The following KCNT1 variants were observed in gnomAD, a reference collection of about 807,000 sequenced individuals.
KCNT1 encodes the protein potassium sodium-activated channel subfamily T member 1.
A neutral mutation model predicts 147.8 loss-of-function variants in KCNT1; 78 were observed. The observed-to-expected ratio is 0.53, with a 90% CI of 0.44 to 0.64. The LOEUF is 0.64. Among genes scored for constraint, KCNT1 ranks in the 30% least tolerant of loss-of-function variants. The pLI is 0.00. For synonymous variants in KCNT1, 867 were observed against 748.8 expected, an observed-to-expected ratio of 1.16 and a Z score of -2.58; for missense variants, 1,419 against 1,750.3, an observed-to-expected ratio of 0.81 and a Z score of 3.38.
chr9:135,783,075 T>G lies in KCNT1; in HGVS notation c.2842-949T>G, dbSNP rs554521181. ...ACACGCCTGCCTGTGCACACTTGCT[T>G]GGAGGCCGAGCTCCAGGGTTGGGGC... On this transcript the variant is annotated intron_variant, in intron 24 of 30. Transcript: ENST00000371757. 2.6e-5 allele frequency among the ~76,000 whole-genome samples: 4 copies of G among 152,312 alleles called. No homozygotes were observed. The South Asian group carries it at 8.3e-4, about 32-fold the overall frequency.
chr9:135,713,589 A>G (rs1248610983), intron 1 of KCNT1, among the ~76,000 whole-genome samples: 1 of 152,190 alleles, frequency 6.6e-6, no homozygotes, highest in Non-Finnish European at 1.5e-5. Flanking sequence ...CTACGGGCAC[A>G]GCACGGGGAG....
chr9:135,779,508 A>T (rs1392956243), intron 24 of KCNT1, 38 bp downstream of exon 24: 1 of 1,445,596 alleles, frequency 6.9e-7, no homozygotes, highest in Non-Finnish European at 9.7e-7. Flanking sequence ...CCACCCCAGA[A>T]TCCCAGAAAG....
intron 29 of KCNT1, among the ~76,000 whole-genome samples, chr9:135,787,930 G>A (rs897452915): frequency 1.2e-4 from 18 of 152,238 alleles, no homozygotes; most frequent in Non-Finnish European, 1.8e-4. Flanking sequence ...TGCCCCCAGA[G>A]CTTGGCAAGG....
At chr9:135,758,659 C>G (rs962396761) in intron 10 of KCNT1, 151 bp downstream of exon 10, 2 of 666,644 alleles carry the variant, frequency 3.0e-6, no homozygotes, top group Non-Finnish European at 5.3e-6. Flanking sequence ...GGCCACCAAG[C>G]TGGGACTGAG....
At chr9:135,716,696 T>C (rs1835733235) in intron 2 of KCNT1, among the ~76,000 whole-genome samples, 1 of 152,176 alleles carries the variant, frequency 6.6e-6, no homozygotes, top group Admixed American at 6.5e-5. Flanking sequence ...GCCGATGGTA[T>C]TAGGAGGTGG....
intron 4 of KCNT1, 25 bp from the exon 5 acceptor site, chr9:135,753,912 G>C: frequency 1.2e-6 from 2 of 1,613,724 alleles, no homozygotes; most frequent in African/African-American, 2.7e-5. Context: ...GGCCAGGGCC[G>C]GGCCAGCGCT....
intron 29 of KCNT1, among the ~76,000 whole-genome samples, chr9:135,787,364 G>GCCCCAGCTCCCCAGCT (rs574943274): frequency 6.6e-6 from 1 of 152,172 alleles, no homozygotes; most frequent in East Asian, 1.9e-4. Context: ...GAAGCCATGG[G>GCCCCAGCTCCCCAGCT]CCCCAGCTCC....
intron 2 of KCNT1, among the ~76,000 whole-genome samples, chr9:135,744,799 T>A (rs1007945251): frequency 1.3e-5 from 2 of 152,186 alleles, no homozygotes; most frequent in Admixed American, 6.5e-5. Flanking sequence ...AGGGACTGTC[T>A]GAGGCTCCCT....
At chr9:135,744,695 A>G (rs113479710) in intron 2 of KCNT1, among the ~76,000 whole-genome samples, 50 of 152,344 alleles carry the variant, frequency 3.3e-4, no homozygotes, top group African/African-American at 1.2e-3. Context: ...GCCATGGGCC[A>G]GCGCCGCTGA....
rs1487381399 is a variant in KCNT1, at chr9:135,793,038, C to G, written c.*877C>G. ...AGCAAGGCGAGATCCCGGGCGGCGG[C>G]TGACATCAGGAGCGCCACCCTGCGT... On this transcript the variant is annotated 3_prime_UTR_variant, in exon 31 of 31. Transcript: ENST00000371757. The G allele has an allele frequency of 6.6e-6, 1 of 152,222 alleles. No homozygotes were observed. The highest frequency in any genetic ancestry group is 1.5e-5 in the Non-Finnish European group (1 of 68,054). 9.4% of individuals were successfully genotyped at this position (152,222 alleles called of 1,614,324 possible).
rs539208270 is a variant in KCNT1, at chr9:135,751,222, C to T, written c.434+181C>T. On this transcript the variant is annotated intron_variant, in intron 4 of 30. Coordinates refer to ENST00000371757, the MANE Select transcript of KCNT1 (RefSeq NM_020822.3). ...AAGCCAAGGACTCAGTGCCCAGGCTCCCGCAGACGGCTCAGCGTAGGGAGA... is the reference window on the plus strand; with the variant it reads ...AAGCCAAGGACTCAGTGCCCAGGCTTCCGCAGACGGCTCAGCGTAGGGAGA... Among the ~76,000 whole-genome samples, 11 of 152,168 alleles carry T rather than the reference C, an allele frequency of 7.2e-5. No individual in the cohort carries two copies. The East Asian group carries it at 1.4e-3, about 19-fold the overall frequency.
At chr9:135,777,246 G>C (rs942375205) in intron 20 of KCNT1, 92 bp from the exon 21 acceptor site, 1 of 1,367,990 alleles carries the variant, frequency 7.3e-7, no homozygotes. Context: ...GGGTGTTCAC[G>C]GGGGATGTTT....
Position 135,772,807 on chromosome 9 carries a change from A to G in KCNT1, c.2101A>G (p.Asn701Asp). The change falls in exon 19 of 31, where the codon AAC becomes GAC. Residue 701 changes from asparagine to aspartate, a missense_variant. Physicochemically the swap from Asn to Asp is conservative, Grantham distance 23. Transcript: ENST00000371757. Reference sequence around the variant, plus strand: ...CAGCAAGCTGGCACTGCCCACGGAGAACGGCTCGGGCAGCCGGCGGCCCAG... The same window carrying G: ...CAGCAAGCTGGCACTGCCCACGGAGGACGGCTCGGGCAGCCGGCGGCCCAG... ...GGSKLALPTE[N>D]GSGSRRPSIA... 2 of 1,515,864 alleles carry G rather than the reference A, an allele frequency of 1.3e-6. No homozygotes were observed. 93.9% of individuals were successfully genotyped at this position (1,515,864 alleles called of 1,614,324 possible).
intron 16 of KCNT1, 22 bp from the exon 17 acceptor site, chr9:135,770,276 C>T (rs1229019470): frequency 6.4e-7 from 1 of 1,570,810 alleles, no homozygotes; most frequent in South Asian, 1.2e-5. Flanking sequence ...TGACGCTCCC[C>T]TGGCCCCGCC....
At chr9:135,768,586 C>A (rs750746259) in intron 13 of KCNT1, 24 bp from the exon 14 acceptor site, 5 of 1,547,656 alleles carry the variant, frequency 3.2e-6, no homozygotes, top group Non-Finnish European at 4.4e-6. Context: ...GCTCCACCCA[C>A]GCTCAGGCCC....
rs527706511 is a variant in KCNT1, at chr9:135,724,325, G to A, written c.254+9605G>A. ...TGGGCGGGTAGAGACAGCGGGCCCCGCGTGCACTCCCATCCTGAGCCCCCT... is the reference window on the plus strand; with the variant it reads ...TGGGCGGGTAGAGACAGCGGGCCCCACGTGCACTCCCATCCTGAGCCCCCT... On this transcript the variant is annotated intron_variant, in intron 2 of 30. Transcript: ENST00000371757. Among the ~76,000 whole-genome samples the A allele has an allele frequency of 7.2e-5, 11 of 152,340 alleles. No homozygotes were observed. The South Asian group carries it at 1.0e-3, about 14-fold the overall frequency.
chr9:135,757,189 T>G lies in KCNT1; in HGVS notation c.634T>G (p.Phe212Val). Residue 212 changes from phenylalanine (F) to valine (V), a missense_variant, in exon 8 of 31, where the codon TTC becomes GTC. Around this residue, in one of 5 missense-constraint regions of KCNT1, gnomAD observed 401 missense variants for 610.6 expected, o/e 0.66. Coordinates refer to ENST00000371757, the MANE Select transcript of KCNT1 (RefSeq NM_020822.3). ...NIWEQIFRVS[F>V]VLEMINTLPF... ...CTGGGAGCAGATCTTCCGCGTGTCCTTCGTCCTGGAGATGATCAACACTCT... is the reference window on the plus strand; with the variant it reads ...CTGGGAGCAGATCTTCCGCGTGTCCGTCGTCCTGGAGATGATCAACACTCT... 2 of 1,583,946 alleles carry G rather than the reference T, an allele frequency of 1.3e-6. No individual in the cohort carries two copies. The highest frequency in any genetic ancestry group is 1.7e-6 in the Non-Finnish European group (2 of 1,164,984).
chr9:135,781,654 A>G (rs966748346), intron 24 of KCNT1, among the ~76,000 whole-genome samples: 1 of 151,842 alleles, frequency 6.6e-6, no homozygotes, highest in Non-Finnish European at 1.5e-5. Flanking sequence ...AAAAAAAAAA[A>G]TTGAAGAAAA....
At chr9:135,723,677 T>A (rs910795029) in intron 2 of KCNT1, among the ~76,000 whole-genome samples, 2 of 152,178 alleles carry the variant, frequency 1.3e-5, no homozygotes, top group Non-Finnish European at 1.5e-5. Context: ...GCTCTCCTGG[T>A]GGGTGTCCGG....
Sources: allele counts gnomAD v4.1 joint callset (sites outside exome capture counted in the v4.1 genomes callset), GRCh38; gene constraint gnomAD v4.1.1; regional missense constraint gnomAD v4.1.1; transcripts MANE v1.5; gene names NCBI Gene and HGNC (gene_info 2026-07-23, HGNC 2026-07-21).